The following C12orf75 variants were observed in gnomAD, a reference collection of about 807,000 sequenced individuals.
The protein encoded by C12orf75 is overexpressed in colon carcinoma 1 protein.
Under a neutral mutation model 11.4 loss-of-function variants are expected in C12orf75, and 4 were observed. That is an observed-to-expected ratio of 0.35 (90% CI 0.17 to 0.80). The LOEUF (loss-of-function observed/expected upper bound fraction) is 0.80. C12orf75 is among the 30% of genes least tolerant of loss of function. C12orf75 has a pLI of 0.52. For missense variants in C12orf75, 89 were observed against 80.4 expected, an observed-to-expected ratio of 1.11 and a Z score of -0.41; for synonymous variants, 30 against 30.0, an observed-to-expected ratio of 1.00 and a Z score of 0.00.
chr12:105,349,311 G>A (rs1354016092), intron 2 of C12orf75, among the ~76,000 whole-genome samples: 1 of 152,210 alleles, frequency 6.6e-6, no homozygotes, highest in African/African-American at 2.4e-5. Context: ...CCAAAACTGG[G>A]TTGGGTGTCA....
At chr12:105,369,020 A>G (rs1871559280) in intron 5 of C12orf75, among the ~76,000 whole-genome samples, 1 of 152,214 alleles carries the variant, frequency 6.6e-6, no homozygotes, top group Admixed American at 6.5e-5. Flanking sequence ...AGATAAGTTG[A>G]AACCAAGAAT....
In C12orf75 at chr12:105,361,354, G is replaced by C. The variant is rs372437219; in HGVS notation, c.72-4453G>C. On this transcript the variant is annotated intron_variant, in intron 2 of 5. Coordinates refer to ENST00000443585, the MANE Select transcript of C12orf75 (RefSeq NM_001145199.2). ...AATGGTTTGCAGATGGGGCAGCCCT[G>C]TTGTTTGGATAGCTGGGGCATTATT... Among the ~76,000 whole-genome samples the C allele has an allele frequency of 4.6e-5, 7 of 152,314 alleles. No homozygotes were observed. In the East Asian group the frequency reaches 1.2e-3, roughly 25 times the overall value.
At chr12:105,339,392 A>AATTT (rs1555264939) in intron 1 of C12orf75, among the ~76,000 whole-genome samples, 2 of 136,506 alleles carry the variant, frequency 1.5e-5, no homozygotes, top group Admixed American at 7.3e-5. Context: ...AATCTTCAGT[A>AATTT]TTTTTTTTTT....
intron 3 of C12orf75, 127 bp downstream of exon 3, chr12:105,365,969 G>A (rs1472252165): frequency 1.4e-6 from 1 of 729,588 alleles, no homozygotes; most frequent in Non-Finnish European, 2.5e-6. Flanking sequence ...AGAGAATACA[G>A]GTAGGGGCAT....
At chr12:105,369,701 C>T (rs1264771893) in intron 5 of C12orf75, among the ~76,000 whole-genome samples, 1 of 152,084 alleles carries the variant, frequency 6.6e-6, no homozygotes, top group African/African-American at 2.4e-5. Context: ...TGAGTGAGAA[C>T]ATGCGATGTT....
intron 1 of C12orf75, among the ~76,000 whole-genome samples, chr12:105,343,248 C>G (rs1892595252): frequency 3.3e-5 from 5 of 152,030 alleles, no homozygotes; most frequent in Admixed American, 3.3e-4. Context: ...CCACAAGAAA[C>G]ATTGTTACCT....
At chr12:105,348,498 C>T in intron 1 of C12orf75, 104 bp from the exon 2 acceptor site, 1 of 658,514 alleles carries the variant, frequency 1.5e-6, no homozygotes, top group South Asian at 4.0e-5. Flanking sequence ...TTTTTAAACC[C>T]ATTTTCTCTT....
At position 105,367,350 on chromosome 12, in the gene C12orf75, T is replaced by C. The variant is rs1039216119; in HGVS notation, c.188-122T>C. ...ACTATATTTGTTCCTCATTGTTCTT[T>C]CTGTACTTTGTGATTTAGACTAGCA... is the stretch of plus-strand genomic sequence containing the variant. On this transcript the variant is annotated intron_variant, in intron 4 of 5. Transcript: ENST00000443585. 6.9e-5 allele frequency: 28 copies of C among 405,656 alleles called. No individual in the cohort carries two copies. The Middle Eastern group carries it at 3.4e-3, about 49-fold the overall frequency. 25.1% of individuals were successfully genotyped at this position (405,656 alleles called of 1,614,324 possible).
At position 105,330,827 on chromosome 12, in the gene C12orf75, G is replaced by T. The variant is rs562731670; in HGVS notation, c.-65G>T. ...GCTCGGGGTGCGCCGCCCTTCGTCT[G>T]GGTCTCCGCCCCCAGGACCCGCGGC... On this transcript the variant is annotated 5_prime_UTR_variant, in exon 1 of 6. Coordinates refer to ENST00000443585, the MANE Select transcript of C12orf75 (RefSeq NM_001145199.2). 7.3e-5 allele frequency: 90 copies of T among 1,232,274 alleles called. 1 individual carries two copies. In the South Asian group the frequency reaches 1.8e-3, roughly 25 times the overall value. 76.3% of individuals were successfully genotyped at this position (1,232,274 alleles called of 1,614,324 possible).
rs1393316794 is a variant in C12orf75 at position 105,364,983 on chromosome 12, G to A, written c.72-824G>A. On this transcript the variant is annotated intron_variant, in intron 2 of 5. Coordinates refer to ENST00000443585, the MANE Select transcript of C12orf75 (RefSeq NM_001145199.2). ...AGCCTCTTGAGTAGCTGGGACTACA[G>A]GCGTCACCATGCCTGGCTAATTTTT... Among the ~76,000 whole-genome samples, 10 of 151,910 alleles carry A rather than the reference G, an allele frequency of 6.6e-5. No individual in the cohort carries two copies. The South Asian group carries it at 1.7e-3, about 25-fold the overall frequency.
intron 1 of C12orf75, among the ~76,000 whole-genome samples, chr12:105,340,191 A>T (rs1892550493): frequency 6.6e-6 from 1 of 151,330 alleles, no homozygotes; most frequent in African/African-American, 2.4e-5. Flanking sequence ...TTTGGGAGGC[A>T]GAGGCGGGTG....
intron 2 of C12orf75, among the ~76,000 whole-genome samples, chr12:105,354,490 T>G (rs1195764553): frequency 6.6e-6 from 1 of 152,238 alleles, no homozygotes; most frequent in Non-Finnish European, 1.5e-5. Flanking sequence ...CTGAAGTAGC[T>G]GCTGGAGGGA....
At chr12:105,359,887 A>G (rs1892836777) in intron 2 of C12orf75, among the ~76,000 whole-genome samples, 1 of 152,032 alleles carries the variant, frequency 6.6e-6, no homozygotes, top group African/African-American at 2.4e-5. Context: ...CTGAGTTTGT[A>G]GAGATGTTTG....
intron 2 of C12orf75, among the ~76,000 whole-genome samples, chr12:105,352,807 A>C (rs1421088102): frequency 6.6e-6 from 1 of 152,170 alleles, no homozygotes; most frequent in Non-Finnish European, 1.5e-5. Flanking sequence ...GTTAACCTTC[A>C]ACACTTGAAA....
At chr12:105,352,533 T>C (rs1297635183) in intron 2 of C12orf75, among the ~76,000 whole-genome samples, 1 of 152,258 alleles carries the variant, frequency 6.6e-6, no homozygotes, top group East Asian at 1.9e-4. Context: ...TTTTACACTT[T>C]TCTTCAAGTG....
intron 2 of C12orf75, among the ~76,000 whole-genome samples, chr12:105,353,276 C>G (rs1892737146): frequency 6.6e-6 from 1 of 152,238 alleles, no homozygotes; most frequent in South Asian, 2.1e-4. Context: ...CAAGTGGTGA[C>G]AAACAGGACC....
In C12orf75 at chr12:105,360,391, A is replaced by G. The variant is rs568641774; in HGVS notation, c.72-5416A>G. Among the ~76,000 whole-genome samples the G allele has an allele frequency of 5.8e-3, 881 of 152,318 alleles. 3 individuals carry two copies. Among genetic ancestry groups the G allele is most frequent in the Non-Finnish European group, 0.01 (690 of 68,014 alleles). On this transcript the variant is annotated intron_variant, in intron 2 of 5. Transcript: ENST00000443585. ...CATCCAGGAGCTTATGTGGCTGTGG[A>G]TGTTCTGGCCTGAGCATGGCCATTT... is the stretch of plus-strand genomic sequence containing the variant.
At chr12:105,366,204 C>T (rs1871469253) in intron 3 of C12orf75, 2 of 308,826 alleles carry the variant, frequency 6.5e-6, no homozygotes, top group Non-Finnish European at 1.2e-5. Flanking sequence ...TGTCTCTGCC[C>T]TCATTTTGTA....
chr12:105,355,239 A>G (rs913207352), intron 2 of C12orf75, among the ~76,000 whole-genome samples: 2 of 140,252 alleles, frequency 1.4e-5, no homozygotes, highest in African/African-American at 5.5e-5. Context: ...GCACTATCTC[A>G]GCTCACTGCA....
Sources: gnomAD v4.1 joint callset for allele counts (sites outside exome capture counted in the v4.1 genomes callset) on GRCh38, gnomAD v4.1.1 for gene constraint, MANE v1.5 for transcripts, NCBI Gene and HGNC (gene_info 2026-07-23, HGNC 2026-07-21) for gene names.